PCLO: variants seen among roughly 807,000 people sequenced by gnomAD.
PCLO encodes piccolo presynaptic cytomatrix protein, also known as protein piccolo.
A neutral mutation model predicts 427.5 loss-of-function variants in PCLO; 82 were observed. That is an observed-to-expected ratio of 0.19 (90% CI 0.16 to 0.23). The LOEUF (loss-of-function observed/expected upper bound fraction) is 0.23. Ranked by LOEUF, PCLO falls within the 10% of genes least tolerant of loss-of-function variation. The pLI, the probability that PCLO is intolerant of heterozygous loss-of-function variation, is 1.00. For synonymous variants in PCLO, 2,357 were observed against 2,155.4 expected, an observed-to-expected ratio of 1.09 and a Z score of -2.59; for missense variants, 6,239 against 6,115.9, an observed-to-expected ratio of 1.02 and a Z score of -0.67.
intron 2 of PCLO, among the ~76,000 whole-genome samples, chr7:83,146,523 T>C (rs1286234065): frequency 1.3e-5 from 2 of 152,154 alleles, no homozygotes; most frequent in Non-Finnish European, 1.5e-5. Flanking sequence ...GTTAGATATG[T>C]GTGTTTTCTC....
chr7:82,864,100 AG>A lies in PCLO; in HGVS notation c.13654+15236del, dbSNP rs369702026. ...CATCTAAGTTATTTTGGTATTATAA[AG>A]GTTTTTTTAATTTTTAAGTTATACA... On this transcript the variant is annotated intron_variant, in intron 10 of 24. Transcript: ENST00000333891. Among the ~76,000 whole-genome samples, 17 of 152,228 alleles carry A rather than the reference AG, an allele frequency of 1.1e-4. No homozygotes were observed. The East Asian group carries it at 2.5e-3, about 22-fold the overall frequency.
intron 22 of PCLO, among the ~76,000 whole-genome samples, chr7:82,798,432 C>T (rs987076659): frequency 5.9e-5 from 9 of 152,034 alleles, no homozygotes; most frequent in Admixed American, 2.6e-4. Context: ...ACAACAAAGG[C>T]AAATAAAGAT....
intron 10 of PCLO, among the ~76,000 whole-genome samples, chr7:82,876,160 C>T (rs1400279145): frequency 6.6e-6 from 1 of 152,004 alleles, no homozygotes; most frequent in East Asian, 1.9e-4. Flanking sequence ...TATTTATTTA[C>T]ATATGTATAA....
chr7:82,871,002 T>G (rs1196248842), intron 10 of PCLO, among the ~76,000 whole-genome samples: 3 of 151,982 alleles, frequency 2.0e-5, no homozygotes, highest in Non-Finnish European at 4.4e-5. Flanking sequence ...GCTCATACAC[T>G]GTTTGTGGCC....
chr7:82,922,651 G>A (rs913626051), intron 6 of PCLO, among the ~76,000 whole-genome samples: 1 of 151,924 alleles, frequency 6.6e-6, no homozygotes, highest in Non-Finnish European at 1.5e-5. Context: ...CGTTACCTGG[G>A]TGAAGAAATA....
At chr7:83,057,749 A>C (rs1287925315) in intron 3 of PCLO, among the ~76,000 whole-genome samples, 4 of 152,094 alleles carry the variant, frequency 2.6e-5, no homozygotes, top group Non-Finnish European at 5.9e-5. Flanking sequence ...AAAATTAGAC[A>C]TGGAACTTAT....
intron 8 of PCLO, among the ~76,000 whole-genome samples, chr7:82,906,903 G>A (rs894503357): frequency 2.6e-5 from 4 of 151,974 alleles, no homozygotes; most frequent in Admixed American, 1.3e-4. Flanking sequence ...GTATGTCTAC[G>A]TGAGCAGACA....
rs55892870 is a variant in PCLO at position 83,093,845 on chromosome 7, GTTT to G, written c.3300+40402_3300+40404del. 4.4e-5 allele frequency among the ~76,000 whole-genome samples: 6 copies of G among 135,724 alleles called. No homozygotes were observed. In the East Asian group the frequency reaches 6.5e-4, roughly 15 times the overall value. The allele number at this position is 135,724 out of a possible 152,430, so 89.0% of individuals were successfully genotyped here. A position where few individuals can be genotyped will look rare whatever the true frequency, so the allele number is the denominator to read the frequency against. On this transcript the variant is annotated intron_variant, in intron 3 of 24. Coordinates refer to ENST00000333891, the MANE Select transcript of PCLO (RefSeq NM_033026.6). ...AAAATCCTAGGTTGTTTACTGATTT[GTTT>G]TTTTTTTTTTAATTTTGAGATAATT... is the stretch of plus-strand genomic sequence containing the variant.
chr7:83,037,049 A>G (rs1333611389), intron 3 of PCLO, among the ~76,000 whole-genome samples: 1 of 152,172 alleles, frequency 6.6e-6, no homozygotes, highest in Non-Finnish European at 1.5e-5. Flanking sequence ...AGGTACAAGA[A>G]AAATAACTAT....
chr7:82,956,425 A>C lies in PCLO; in HGVS notation c.4528T>G (p.Tyr1510Asp). ...TCACTACTCTCTTCAACTGAATCAT[A>C]AGGCTCTCTTCTAGTAGTTATGTCA... ...VDDITTRREP[Y>D]DSVEESSESE... The change falls in exon 5 of 25, where the codon TAT (tyrosine) becomes GAT (aspartate). Residue 1510 changes from tyrosine to aspartate, a missense_variant. Physicochemically the swap from Tyr to Asp is radical, Grantham distance 160. Around this residue, in one of 5 missense-constraint regions of PCLO, gnomAD observed 4,677 missense variants for 4,468.4 expected, o/e 1.05. Coordinates refer to ENST00000333891, the MANE Select transcript of PCLO (RefSeq NM_033026.6). 1 of 1,613,766 alleles carries C rather than the reference A, an allele frequency of 6.2e-7. No individual in the cohort carries two copies. The highest frequency in any genetic ancestry group is 8.5e-7 in the Non-Finnish European group (1 of 1,179,834).
chr7:82,758,711 A>G lies in PCLO; in HGVS notation c.15293T>C (p.Leu5098Ser), dbSNP rs1454984846. ...AAACTTCCCTCCATTGGAGAAAAGTAAAATCTAGAAAAAATAGGCAAAAAT... is the reference window on the plus strand; with the variant it reads ...AAACTTCCCTCCATTGGAGAAAAGTGAAATCTAGAAAAAATAGGCAAAAAT... ...LSPAGHSLQILLFSNGGKFMK... is the reference protein window; with the variant it reads ...LSPAGHSLQISLFSNGGKFMK... The change falls in exon 25 of 25, where the codon TTA becomes TCA. Residue 5098 changes from leucine (L) to serine (S), a missense_variant. By Grantham distance (145) the Leu-to-Ser change is moderately radical. Coordinates refer to ENST00000333891, the MANE Select transcript of PCLO (RefSeq NM_033026.6). 6.3e-7 allele frequency: 1 copy of G among 1,577,968 alleles called. No homozygotes were observed. Among genetic ancestry groups the G allele is most frequent in the Admixed American group, 1.7e-5 (1 of 58,150 alleles).
intron 16 of PCLO, among the ~76,000 whole-genome samples, chr7:82,834,147 A>G (rs997316412): frequency 2.6e-5 from 4 of 152,156 alleles, no homozygotes; most frequent in African/African-American, 9.6e-5. Flanking sequence ...TTTATAAAAT[A>G]TTCTCTCTTT....
At chr7:82,808,030 T>C (rs1321764311) in intron 20 of PCLO, among the ~76,000 whole-genome samples, 1 of 151,998 alleles carries the variant, frequency 6.6e-6, no homozygotes, top group Non-Finnish European at 1.5e-5. Context: ...TGTAAAATGA[T>C]GGACATGTAT....
chr7:82,915,374 T>A lies in PCLO; in HGVS notation c.12612A>T (p.Ser4204=). Residue 4204 remains serine, a synonymous_variant, in exon 7 of 25, where the codon TCA becomes TCT. Coordinates refer to ENST00000333891, the MANE Select transcript of PCLO (RefSeq NM_033026.6). ...CAAGGTCTCTACTTTCTTGAATAGG[T>A]GAAAATTTTGACATTTTAGGGTCAA... ...SLIDPKMSKF[S]PIQESRDLEP... The A allele has an allele frequency of 6.2e-7, 1 of 1,613,490 alleles. No homozygotes were observed. Among genetic ancestry groups the A allele is most frequent in the South Asian group, 1.1e-5 (1 of 91,076 alleles).
Position 83,024,925 on chromosome 7 carries a change from A to C in PCLO, c.3301-58438T>G, listed in dbSNP as rs376551222. ...GTTAGAAGGAAAACTAACAAACAGA[A>C]AGGACATCTACACCAAAAACCCATC... On this transcript the variant is annotated intron_variant, in intron 3 of 24. Transcript: ENST00000333891. 8.5e-5 allele frequency among the ~76,000 whole-genome samples: 13 copies of C among 152,196 alleles called. No homozygotes were observed. In the East Asian group the frequency reaches 2.3e-3, roughly 27 times the overall value.
chr7:83,004,837 C>T (rs771984260), intron 3 of PCLO, among the ~76,000 whole-genome samples: 1 of 151,428 alleles, frequency 6.6e-6, no homozygotes, highest in Non-Finnish European at 1.5e-5. Context: ...GCACAAAACA[C>T]ATAACCTAAT....
At chr7:82,982,083 A>C (rs1251275913) in intron 3 of PCLO, among the ~76,000 whole-genome samples, 2 of 152,174 alleles carry the variant, frequency 1.3e-5, no homozygotes, top group African/African-American at 4.8e-5. Flanking sequence ...TTCCTGAAGA[A>C]GCTACTGAAA....
At chr7:82,785,274 T>C (rs1475457565) in intron 22 of PCLO, among the ~76,000 whole-genome samples, 7 of 152,038 alleles carry the variant, frequency 4.6e-5, no homozygotes, top group Non-Finnish European at 8.8e-5. Flanking sequence ...ATCCATCACA[T>C]GCGCAGTTCA....
intron 3 of PCLO, among the ~76,000 whole-genome samples, chr7:83,098,536 A>G (rs1790652157): frequency 6.6e-6 from 1 of 152,154 alleles, no homozygotes. Flanking sequence ...ACACTTCTGA[A>G]TATTAGAATT....
Sources: gnomAD v4.1 joint callset for allele counts (sites outside exome capture counted in the v4.1 genomes callset) on GRCh38, gnomAD v4.1.1 for gene constraint, gnomAD v4.1.1 regional missense constraint, MANE v1.5 for transcripts, NCBI Gene and HGNC (gene_info 2026-07-23, HGNC 2026-07-21) for gene names.